Variants in RPF2 observed in about 807,000 individuals in gnomAD.
RPF2 encodes the protein ribosome production factor 2 homolog, also known as brix domain containing 1.
A neutral mutation model predicts 38.9 loss-of-function variants in RPF2; 21 were observed. The observed-to-expected ratio is 0.54, with a 90% CI of 0.38 to 0.78. RPF2 has a LOEUF of 0.78. Ranked by LOEUF, RPF2 falls within the 30% of genes least tolerant of loss-of-function variation. RPF2 has a pLI of 0.00. For missense variants in RPF2, 314 were observed against 358.1 expected (o/e 0.88, Z 0.99); for synonymous variants, 121 against 126.2 (o/e 0.96, Z 0.28).
chr6:110,992,753 G>C (rs1771641383), intron 4 of RPF2, among the ~76,000 whole-genome samples: 1 of 152,100 alleles, frequency 6.6e-6, no homozygotes, highest in South Asian at 2.1e-4. Context: ...TGGACTTTCA[G>C]TATGTGATGA....
At chr6:111,025,369 G>A (rs1772305125) in intron 9 of RPF2, 34 bp from the exon 10 acceptor site, 1 of 1,427,506 alleles carries the variant, frequency 7.0e-7, no homozygotes, top group Non-Finnish European at 9.7e-7. Context: ...TATAGTAGAA[G>A]GCCATTAAAT....
At chr6:111,008,939 G>C (rs1326713321) in intron 7 of RPF2, among the ~76,000 whole-genome samples, 2 of 130,100 alleles carry the variant, frequency 1.5e-5, no homozygotes, top group African/African-American at 6.1e-5. Context: ...TTGCTCTGTT[G>C]CCCAGGCTGG....
At position 111,015,707 on chromosome 6, in the gene RPF2, TG is replaced by T. The variant is rs776678486; in HGVS notation, c.494-46del. On this transcript the variant is annotated intron_variant, in intron 7 of 9. Coordinates refer to ENST00000441448, the MANE Select transcript of RPF2 (RefSeq NM_032194.3). ...AGTGCAGTTCTTTGTAACTGAATTTTGCAAGTATTTGTTTTGTTTTGTTAAT... is the reference window on the plus strand; with the variant it reads ...AGTGCAGTTCTTTGTAACTGAATTTTCAAGTATTTGTTTTGTTTTGTTAAT... The T allele has an allele frequency of 4.6e-6, 6 of 1,292,780 alleles. No individual in the cohort carries two copies. In the South Asian group the frequency reaches 7.1e-5, roughly 15 times the overall value. 80.1% of individuals were successfully genotyped at this position (1,292,780 alleles called of 1,614,324 possible).
At chr6:110,997,899 C>CT (rs36109711) in intron 5 of RPF2, among the ~76,000 whole-genome samples, 197 of 141,590 alleles carry the variant, frequency 1.4e-3, no homozygotes, top group Middle Eastern at 3.7e-3. Flanking sequence ...TTCTTTTCTT[C>CT]TTTTTTTTTT....
intron 2 of RPF2, 158 bp from the exon 3 acceptor site, chr6:110,988,870 A>G: frequency 1.3e-5 from 11 of 877,432 alleles, no homozygotes; most frequent in Non-Finnish European, 1.9e-5. Context: ...CTTACATTTC[A>G]AGTTACTGTA....
At position 111,026,371 on chromosome 6, in the gene RPF2, C is replaced by CT. The variant is rs113875773; in HGVS notation, c.*800dup. On this transcript the variant is annotated 3_prime_UTR_variant, in exon 10 of 10. Transcript: ENST00000441448. ...TACAGGCATGAGCCACTGAGCCCTACTTTTTTTTTTTAAAGCAATGAGGTC... is the reference window on the plus strand; with the variant it reads ...TACAGGCATGAGCCACTGAGCCCTACTTTTTTTTTTTTAAAGCAATGAGGTC... 0.055 allele frequency: 8,201 copies of CT among 148,066 alleles called. 291 individuals carry two copies. The highest frequency in any genetic ancestry group is 0.092 in the African/African-American group (3,735 of 40,544). 9.2% of individuals were successfully genotyped at this position (148,066 alleles called of 1,614,324 possible). A position where few individuals can be genotyped will look rare whatever the true frequency, so the allele number is the denominator to read the frequency against.
rs185908939 is a variant in RPF2, at chr6:110,990,127, G to T, written c.194+1062G>T. Among the ~76,000 whole-genome samples, 217 of 148,710 alleles carry T rather than the reference G, an allele frequency of 1.5e-3. 1 individual carries two copies. The highest frequency in any genetic ancestry group is 5.2e-3 in the African/African-American group (209 of 40,276). Reference sequence around the variant, plus strand: ...CTAATTTTGTATTTTTAGTAGAGACGGGATTTCTCCATGTTGGTCAGGCTG... The same window carrying T: ...CTAATTTTGTATTTTTAGTAGAGACTGGATTTCTCCATGTTGGTCAGGCTG... On this transcript the variant is annotated intron_variant, in intron 3 of 9. Coordinates refer to ENST00000441448, the MANE Select transcript of RPF2 (RefSeq NM_032194.3).
chr6:111,006,680 T>C (rs2114326615), intron 6 of RPF2, among the ~76,000 whole-genome samples: 1 of 152,230 alleles, frequency 6.6e-6, no homozygotes, highest in Middle Eastern at 3.4e-3. Context: ...CGATCATGGC[T>C]CACTGCAGCC....
intron 9 of RPF2, among the ~76,000 whole-genome samples, chr6:111,024,704 C>CAA (rs397737242): frequency 0.043 from 3,793 of 89,136 alleles, 110 homozygotes; most frequent in Middle Eastern, 0.071. Context: ...CAGAGTGAGC[C>CAA]AAAAAAAAAA....
chr6:111,004,521 A>G (rs1265811745), intron 6 of RPF2, among the ~76,000 whole-genome samples: 4 of 150,640 alleles, frequency 2.7e-5, no homozygotes, highest in Admixed American at 1.3e-4. Context: ...AGTAAAAAAT[A>G]TCAGTGCTGT....
chr6:110,995,159 C>G (rs9400447), intron 4 of RPF2, among the ~76,000 whole-genome samples: 8 of 152,116 alleles, frequency 5.3e-5, no homozygotes, highest in African/African-American at 1.7e-4. Flanking sequence ...CCCACCTCAG[C>G]CTCCCAAAGT....
At chr6:111,000,631 T>A (rs1167082195) in intron 6 of RPF2, among the ~76,000 whole-genome samples, 1 of 152,194 alleles carries the variant, frequency 6.6e-6, no homozygotes, top group East Asian at 1.9e-4. Context: ...GTGTTCTAAC[T>A]CAGCTCCTGG....
intron 8 of RPF2, among the ~76,000 whole-genome samples, chr6:111,022,506 A>G: frequency 6.6e-6 from 1 of 152,230 alleles, no homozygotes; most frequent in East Asian, 1.9e-4. Context: ...TCTACACAGA[A>G]AAGTATGACA....
At chr6:111,008,939 G>T (rs1326713321) in intron 7 of RPF2, among the ~76,000 whole-genome samples, 1 of 130,096 alleles carries the variant, frequency 7.7e-6, no homozygotes, top group African/African-American at 3.0e-5. Context: ...TTGCTCTGTT[G>T]CCCAGGCTGG....
intron 1 of RPF2, among the ~76,000 whole-genome samples, chr6:110,983,121 G>T (rs1771460805): frequency 6.6e-6 from 1 of 152,110 alleles, no homozygotes; most frequent in Non-Finnish European, 1.5e-5. Flanking sequence ...ACGAGGGAGG[G>T]TCATAATTAT....
intron 8 of RPF2, among the ~76,000 whole-genome samples, chr6:111,019,420 G>A (rs6937899): frequency 0.16 from 24,752 of 151,996 alleles, 2,560 homozygotes; most frequent in East Asian, 0.53. Context: ...AGCCTAGGTG[G>A]CAGAGTGAGA....
chr6:111,005,272 G>A (rs1181156115), intron 6 of RPF2, among the ~76,000 whole-genome samples: 2 of 152,134 alleles, frequency 1.3e-5, no homozygotes, highest in African/African-American at 4.8e-5. Flanking sequence ...TTTGGTTTTT[G>A]TACTGTTTTT....
chr6:110,992,767 T>G (rs1329402168), intron 4 of RPF2, among the ~76,000 whole-genome samples: 1 of 152,078 alleles, frequency 6.6e-6, no homozygotes, highest in Non-Finnish European at 1.5e-5. Context: ...GTGATGATAT[T>G]GGTTTCTTCC....
At chr6:110,984,457 G>A (rs886348547) in intron 1 of RPF2, among the ~76,000 whole-genome samples, 1 of 151,942 alleles carries the variant, frequency 6.6e-6, no homozygotes, top group African/African-American at 2.4e-5. Flanking sequence ...AGAATGGTGG[G>A]AATACAAAAA....
Sources: allele counts gnomAD v4.1 joint callset (sites outside exome capture counted in the v4.1 genomes callset), GRCh38; gene constraint gnomAD v4.1.1; transcripts MANE v1.5; gene names NCBI Gene and HGNC (gene_info 2026-07-23, HGNC 2026-07-21).